BTAF1: variants seen among roughly 807,000 people sequenced by gnomAD.
BTAF1 encodes the protein TATA-binding protein-associated factor 172.
Under a neutral mutation model 227.1 loss-of-function variants are expected in BTAF1, and 38 were observed. The observed-to-expected ratio is 0.17, with a 90% CI of 0.13 to 0.22. BTAF1 has a LOEUF of 0.22. BTAF1 is among the 10% of genes least tolerant of loss of function. The pLI is 1.00. For synonymous variants in BTAF1, 742 were observed against 751.9 expected, an observed-to-expected ratio of 0.99 and a Z score of 0.21; for missense variants, 1,598 against 2,204.0, an observed-to-expected ratio of 0.73 and a Z score of 5.51.
rs536636976 is a variant in BTAF1 at position 91,946,232 on chromosome 10, G to T, written c.400+3664G>T. ...AAATTAGCCAGGCGTGGTGACGCAT[G>T]CCTGTAATCCCAGCTACTTGGGAGG... On this transcript the variant is annotated intron_variant, in intron 4 of 37. Coordinates refer to ENST00000265990, the MANE Select transcript of BTAF1 (RefSeq NM_003972.3). Among the ~76,000 whole-genome samples the T allele has an allele frequency of 1.7e-3, 264 of 152,306 alleles. 1 individual carries two copies. Among genetic ancestry groups the T allele is most frequent in the Admixed American group, 3.9e-3 (60 of 15,304 alleles).
chr10:91,978,539 C>G (rs1847847222), intron 14 of BTAF1, among the ~76,000 whole-genome samples: 3 of 152,112 alleles, frequency 2.0e-5, no homozygotes, highest in African/African-American at 4.8e-5. Context: ...GCTTCCCTTT[C>G]TCTTTCTCTT....
At chr10:91,927,980 C>CTTTTTTTT (rs60105160) in intron 1 of BTAF1, among the ~76,000 whole-genome samples, 15 of 121,552 alleles carry the variant, frequency 1.2e-4, no homozygotes, top group Middle Eastern at 4.3e-3. Flanking sequence ...TGCCTTTTTT[C>CTTTTTTTT]TTTTTTTTTT....
Position 92,008,822 on chromosome 10 carries a change from C to CT in BTAF1, c.3814-6dup, listed in dbSNP as rs769655512. ...GTATTCACATTTATGATTTTTCTCT[C>CT]TATCAGGATGGTGTGAACTGGTTAG... On this transcript the variant is annotated splice_polypyrimidine_tract_variant and splice_region_variant and intron_variant, in intron 26 of 37. Transcript: ENST00000265990. 175 of 1,575,544 alleles carry CT rather than the reference C, an allele frequency of 1.1e-4. No homozygotes were observed. Among genetic ancestry groups the CT allele is most frequent in the Non-Finnish European group, 1.4e-4 (166 of 1,162,072 alleles).
chr10:91,942,295 A>ATGT, intron 3 of BTAF1, 127 bp from the exon 4 acceptor site: 1 of 553,824 alleles, frequency 1.8e-6, no homozygotes, highest in South Asian at 2.4e-5. Context: ...TAAAAAAAAA[A>ATGT]GTTTGTGTGT....
intron 19 of BTAF1, among the ~76,000 whole-genome samples, chr10:91,985,734 T>G (rs997226728): frequency 1.3e-5 from 2 of 152,200 alleles, no homozygotes; most frequent in African/African-American, 4.8e-5. Context: ...GAATACTTTC[T>G]AATTTTTTAT....
In BTAF1 at chr10:91,997,646, C is replaced by T. The variant is rs1193013645; in HGVS notation, c.3555C>T (p.Val1185=). The T allele has an allele frequency of 6.2e-7, 1 of 1,613,552 alleles. No homozygotes were observed. Among genetic ancestry groups the T allele is most frequent in the Admixed American group, 1.7e-5 (1 of 60,018 alleles). ...ATGTTGGTATTGTTCCATATATTGTCCTTTTAGTTGTTCCTGTATTAGGAA... is the reference window on the plus strand; with the variant it reads ...ATGTTGGTATTGTTCCATATATTGTTCTTTTAGTTGTTCCTGTATTAGGAA... ...QLDVGIVPYI[V]LLVVPVLGRM... The change falls in exon 25 of 38, where the codon GTC becomes GTT. Residue 1185 remains valine, a synonymous_variant. Transcript: ENST00000265990.
At chr10:92,003,450 G>C (rs911691297) in intron 25 of BTAF1, among the ~76,000 whole-genome samples, 1 of 152,072 alleles carries the variant, frequency 6.6e-6, no homozygotes, top group Non-Finnish European at 1.5e-5. Context: ...ATTCTACTCT[G>C]CTTCCATGAG....
Position 91,992,316 on chromosome 10 carries a change from A to AT in BTAF1, c.3045+7_3045+8insT. On this transcript the variant is annotated splice_region_variant and intron_variant, in intron 21 of 37. Coordinates refer to ENST00000265990, the MANE Select transcript of BTAF1 (RefSeq NM_003972.3). ...TCTTGTTGAACTTGATGAGGTAAGT[A>AT]GTTTTTTTTTTTTTTTAATGCTTTG... The AT allele has an allele frequency of 2.0e-6, 3 of 1,513,204 alleles. No individual in the cohort carries two copies. Among genetic ancestry groups the AT allele is most frequent in the Non-Finnish European group, 1.8e-6 (2 of 1,120,782 alleles). The allele number at this position is 1,513,204 out of a possible 1,614,324, so 93.7% of individuals were successfully genotyped here. A position where few individuals can be genotyped will look rare whatever the true frequency, so the allele number is the denominator to read the frequency against.
Position 91,997,594 on chromosome 10 carries a change from C to A in BTAF1, c.3512-9C>A. The A allele has an allele frequency of 6.2e-7, 1 of 1,611,086 alleles. No homozygotes were observed. On this transcript the variant is annotated splice_polypyrimidine_tract_variant and intron_variant, in intron 24 of 37. Transcript: ENST00000265990. Reference sequence around the variant, plus strand: ...AACCATTTCAAAATTTCCTTAATCACTTACTCAGGTGTAATGGAACAACTA... The same window carrying A: ...AACCATTTCAAAATTTCCTTAATCAATTACTCAGGTGTAATGGAACAACTA...
At chr10:91,943,200 G>C (rs1231284760) in intron 4 of BTAF1, among the ~76,000 whole-genome samples, 1 of 152,088 alleles carries the variant, frequency 6.6e-6, no homozygotes, top group Admixed American at 6.6e-5. Context: ...TGTAATGCCA[G>C]CTACCCGTGA....
Position 91,989,570 on chromosome 10 carries a change from A to G in BTAF1, c.2844A>G (p.Glu948=), listed in dbSNP as rs936442973. 2 of 1,596,736 alleles carry G rather than the reference A, an allele frequency of 1.3e-6. No homozygotes were observed. Among genetic ancestry groups the G allele is most frequent in the Admixed American group, 1.8e-5 (1 of 55,694 alleles). The change falls in exon 20 of 38, where the codon GAA becomes GAG. Residue 948 remains glutamate (E), a synonymous_variant. Transcript: ENST00000265990. ...TCPVPTQSGQ[E]NSKGSTSEKD... is the part of the protein sequence containing the mutation. ...CAGTACCAACACAAAGTGGCCAGGAAAATTCTAAAGGTATATACCTAAACT... is the reference window on the plus strand; with the variant it reads ...CAGTACCAACACAAAGTGGCCAGGAGAATTCTAAAGGTATATACCTAAACT...
At chr10:91,936,369 G>C (rs71479097) in intron 2 of BTAF1, among the ~76,000 whole-genome samples, 1 of 121,772 alleles carries the variant, frequency 8.2e-6, no homozygotes, top group African/African-American at 3.7e-5. Flanking sequence ...CTTTGTATAG[G>C]AGGAGGGGAG....
chr10:91,926,166 CT>C (rs1253567630), intron 1 of BTAF1, among the ~76,000 whole-genome samples: 1 of 152,214 alleles, frequency 6.6e-6, no homozygotes, highest in Non-Finnish European at 1.5e-5. Flanking sequence ...GCTAACTAAA[CT>C]TCCTTTCTCT....
intron 2 of BTAF1, among the ~76,000 whole-genome samples, chr10:91,937,293 G>C (rs1017653829): frequency 6.6e-6 from 1 of 151,854 alleles, no homozygotes; most frequent in Non-Finnish European, 1.5e-5. Context: ...GCTCCTGGCC[G>C]GTTTTGTTTC....
At chr10:91,931,369 T>G (rs1050687672) in intron 1 of BTAF1, among the ~76,000 whole-genome samples, 3 of 152,250 alleles carry the variant, frequency 2.0e-5, no homozygotes, top group Admixed American at 2.0e-4. Flanking sequence ...TATGTTTTAC[T>G]TATCTTCTAT....
At chr10:91,979,142 A>G (rs1847910282) in intron 14 of BTAF1, among the ~76,000 whole-genome samples, 1 of 152,138 alleles carries the variant, frequency 6.6e-6, no homozygotes, top group South Asian at 2.1e-4. Context: ...TCCTGCAAAG[A>G]ACATGAGCTT....
intron 21 of BTAF1, among the ~76,000 whole-genome samples, chr10:91,992,555 TATAGCA>T (rs774712107): frequency 4.3e-4 from 66 of 152,352 alleles, no homozygotes; most frequent in Non-Finnish European, 7.5e-4. Context: ...AATTCAGTCC[TATAGCA>T]GTGACTGTAG....
intron 19 of BTAF1, among the ~76,000 whole-genome samples, chr10:91,986,210 T>G (rs928524007): frequency 6.6e-6 from 1 of 152,188 alleles, no homozygotes; most frequent in African/African-American, 2.4e-5. Context: ...TGAAAATACT[T>G]TCATTTCCCT....
rs1845074644 is a variant in BTAF1 at position 91,942,361 on chromosome 10, ATTTTC to A, written c.254-57_254-53del. Reference sequence around the variant, plus strand: ...CATGCAACCCAAGTAATGATATGCTATTTTCTTTCATTCCACACTTTGGCTATATG... The same window carrying A: ...CATGCAACCCAAGTAATGATATGCTATTTCATTCCACACTTTGGCTATATG... On this transcript the variant is annotated intron_variant, in intron 3 of 37. Transcript: ENST00000265990. 37 of 1,446,848 alleles carry A rather than the reference ATTTTC, an allele frequency of 2.6e-5. No homozygotes were observed. The South Asian group carries it at 3.8e-4, about 15-fold the overall frequency. The allele number at this position is 1,446,848 out of a possible 1,614,324, so 89.6% of individuals were successfully genotyped here. A position where few individuals can be genotyped will look rare whatever the true frequency, so the allele number is the denominator to read the frequency against.
Sources: gnomAD v4.1 joint callset for allele counts (sites outside exome capture counted in the v4.1 genomes callset) on GRCh38, gnomAD v4.1.1 for gene constraint, MANE v1.5 for transcripts, NCBI Gene and HGNC (gene_info 2026-07-23, HGNC 2026-07-21) for gene names.